TMEM132C: variants seen among roughly 807,000 people sequenced by gnomAD.
The protein encoded by TMEM132C is transmembrane protein 132C.
A neutral mutation model predicts 61.4 loss-of-function variants in TMEM132C; 29 were observed. That is an observed-to-expected ratio of 0.47 (90% CI 0.35 to 0.64). The LOEUF is 0.64. TMEM132C is among the 30% of genes least tolerant of loss of function. The pLI, the probability that TMEM132C is intolerant of heterozygous loss-of-function variation, is 0.00. For synonymous variants in TMEM132C, 656 were observed against 633.1 expected (o/e 1.04, Z -0.54); for missense variants, 1,408 against 1,476.9 (o/e 0.95, Z 0.76).
intron 4 of TMEM132C, among the ~76,000 whole-genome samples, chr12:128,618,871 C>T (rs1054700679): frequency 7.9e-5 from 12 of 152,098 alleles, no homozygotes; most frequent in African/African-American, 2.2e-4. Context: ...GCAGTATCAC[C>T]GTTTTGCATC....
At chr12:128,388,179 T>G (rs1376513468) in intron 1 of TMEM132C, among the ~76,000 whole-genome samples, 1 of 152,138 alleles carries the variant, frequency 6.6e-6, no homozygotes, top group Non-Finnish European at 1.5e-5. Context: ...AGGAAGAGGC[T>G]TTTCTTGGGC....
intron 2 of TMEM132C, among the ~76,000 whole-genome samples, chr12:128,539,575 G>A (rs11059750): frequency 1.3e-5 from 2 of 152,004 alleles, no homozygotes; most frequent in African/African-American, 4.8e-5. Context: ...CCGAGATGGC[G>A]CCATTGCACT....
At chr12:128,551,213 C>A (rs1228823260) in intron 3 of TMEM132C, among the ~76,000 whole-genome samples, 3 of 149,838 alleles carry the variant, frequency 2.0e-5, no homozygotes, top group African/African-American at 7.6e-5. Flanking sequence ...ATAAGAGCCC[C>A]CCCCCTCCCG....
chr12:128,439,478 A>G (rs538286351), intron 2 of TMEM132C, among the ~76,000 whole-genome samples: 35 of 152,338 alleles, frequency 2.3e-4, no homozygotes, highest in African/African-American at 8.4e-4. Context: ...AGATCTGTGC[A>G]TGTTAGACTT....
At chr12:128,620,368 A>G (rs1434614729) in intron 4 of TMEM132C, among the ~76,000 whole-genome samples, 2 of 152,092 alleles carry the variant, frequency 1.3e-5, no homozygotes, top group Non-Finnish European at 2.9e-5. Context: ...TCCTGCAGGT[A>G]TACTCTAGTG....
intron 2 of TMEM132C, among the ~76,000 whole-genome samples, chr12:128,512,979 T>TGTCC (rs1872612540): frequency 6.6e-6 from 1 of 152,212 alleles, no homozygotes; most frequent in Non-Finnish European, 1.5e-5. Context: ...GCAACACCGC[T>TGTCC]GTCCGTGTAA....
chr12:128,563,912 C>T (rs773127665), intron 3 of TMEM132C, among the ~76,000 whole-genome samples: 1 of 152,242 alleles, frequency 6.6e-6, no homozygotes, highest in African/African-American at 2.4e-5. Context: ...CAGACCTTGG[C>T]GATGACCTTG....
At chr12:128,323,106 A>T (rs1365407037) in intron 1 of TMEM132C, among the ~76,000 whole-genome samples, 1 of 152,236 alleles carries the variant, frequency 6.6e-6, no homozygotes, top group African/African-American at 2.4e-5. Flanking sequence ...GCTAATATTC[A>T]TCGTTGTGGG....
intron 4 of TMEM132C, among the ~76,000 whole-genome samples, chr12:128,617,021 C>T (rs4882710): frequency 0.33 from 49,750 of 152,018 alleles, 8,284 homozygotes; most frequent in East Asian, 0.39. Context: ...ACAAACACAA[C>T]CCAACTTCAC....
At chr12:128,658,153 CAGGG>C (rs1954346979) in intron 4 of TMEM132C, among the ~76,000 whole-genome samples, 1 of 110,902 alleles carries the variant, frequency 9.0e-6, no homozygotes, top group Admixed American at 9.1e-5. Flanking sequence ...AAGGCAGGAG[CAGGG>C]ACGCAGCTCC....
intron 1 of TMEM132C, among the ~76,000 whole-genome samples, chr12:128,357,419 G>A (rs186521806): frequency 1.4e-4 from 21 of 152,240 alleles, no homozygotes; most frequent in African/African-American, 4.3e-4. Flanking sequence ...AGCCCAGGCC[G>A]GGCACGGTGG....
chr12:128,339,558 G>A (rs969628384), intron 1 of TMEM132C, among the ~76,000 whole-genome samples: 2 of 151,910 alleles, frequency 1.3e-5, no homozygotes, highest in African/African-American at 2.4e-5. Flanking sequence ...GTTGTCTCTG[G>A]CTCTGGGGAC....
chr12:128,576,409 G>A (rs1052111719), intron 3 of TMEM132C, among the ~76,000 whole-genome samples: 1 of 152,208 alleles, frequency 6.6e-6, no homozygotes, highest in Non-Finnish European at 1.5e-5. Flanking sequence ...GCAGCTTGAA[G>A]TTGAGTTATA....
chr12:128,608,442 G>C (rs776315851), intron 3 of TMEM132C, among the ~76,000 whole-genome samples: 1 of 152,254 alleles, frequency 6.6e-6, no homozygotes, highest in East Asian at 1.9e-4. Context: ...GTGTCACCAC[G>C]GTTCAGAACT....
Position 128,623,458 on chromosome 12 carries a change from T to C in TMEM132C, c.1305+7123T>C, listed in dbSNP as rs142520000. ...ATGTATATATATAATTTTAAAAAAATGAAACCTGCCAAAAAAAAAAGTAAA... is the reference window on the plus strand; with the variant it reads ...ATGTATATATATAATTTTAAAAAAACGAAACCTGCCAAAAAAAAAAGTAAA... On this transcript the variant is annotated intron_variant, in intron 4 of 8. Coordinates refer to ENST00000435159, the MANE Select transcript of TMEM132C (RefSeq NM_001136103.3). 8.5e-3 allele frequency among the ~76,000 whole-genome samples: 1,205 copies of C among 142,470 alleles called. 10 individuals carry two copies. The highest frequency in any genetic ancestry group is 0.024 in the African/African-American group (851 of 34,968). The allele number at this position is 142,470 out of a possible 152,430, so 93.5% of individuals were successfully genotyped here. A position where few individuals can be genotyped will look rare whatever the true frequency, so the allele number is the denominator to read the frequency against.
At chr12:128,675,287 A>AT (rs779006914) in intron 5 of TMEM132C, among the ~76,000 whole-genome samples, 1 of 152,086 alleles carries the variant, frequency 6.6e-6, no homozygotes, top group Non-Finnish European at 1.5e-5. Flanking sequence ...ATACCAACTC[A>AT]TTTACTACTC....
chr12:128,694,011 G>A lies in TMEM132C; in HGVS notation c.1632G>A (p.Arg544=). ...DTELSQIKGW[R]VPIVTNKRPT... ...AGCTCAGCCAGATAAAGGGCTGGAGGGTCCCCATTGTGACCAATAAGAGGT... is the reference window on the plus strand; with the variant it reads ...AGCTCAGCCAGATAAAGGGCTGGAGAGTCCCCATTGTGACCAATAAGAGGT... Residue 544 remains arginine (R), a synonymous_variant, in exon 6 of 9, where the codon AGG becomes AGA. Transcript: ENST00000435159. 4 of 1,551,716 alleles carry A rather than the reference G, an allele frequency of 2.6e-6. No homozygotes were observed. Among genetic ancestry groups the A allele is most frequent in the Non-Finnish European group, 3.5e-6 (4 of 1,147,004 alleles).
chr12:128,542,283 T>C (rs1022764759), intron 2 of TMEM132C, among the ~76,000 whole-genome samples: 3 of 152,136 alleles, frequency 2.0e-5, no homozygotes, highest in African/African-American at 7.2e-5. Flanking sequence ...CTTCCGGTCA[T>C]GGGATTATGC....
chr12:128,529,352 A>G (rs1030335810), intron 2 of TMEM132C, among the ~76,000 whole-genome samples: 1 of 152,170 alleles, frequency 6.6e-6, no homozygotes, highest in Non-Finnish European at 1.5e-5. Context: ...GATACAAGAA[A>G]AAATTAAATG....
Sources: gnomAD v4.1 joint callset for allele counts (sites outside exome capture counted in the v4.1 genomes callset) on GRCh38, gnomAD v4.1.1 for gene constraint, MANE v1.5 for transcripts, NCBI Gene and HGNC (gene_info 2026-07-23, HGNC 2026-07-21) for gene names.